SLC25A20: variants seen among roughly 807,000 people sequenced by gnomAD.
SLC25A20 encodes solute carrier family 25 member 20, also known as mitochondrial carnitine/acylcarnitine carrier protein.
A neutral mutation model predicts 39.7 loss-of-function variants in SLC25A20; 29 were observed. The ratio of observed to expected loss-of-function variants is 0.73; its 90% CI spans 0.54 to 1.00. SLC25A20 has a LOEUF of 1.00. Ranked by LOEUF, SLC25A20 falls within the 50% of genes least tolerant of loss-of-function variation. The pLI, the probability that SLC25A20 is intolerant of heterozygous loss-of-function variation, is 0.00. For missense variants in SLC25A20, 333 were observed against 379.9 expected (o/e 0.88, Z 1.03); for synonymous variants, 103 against 142.2 (o/e 0.72, Z 1.96).
chr3:48,870,190 A>T (rs968262828), intron 4 of SLC25A20, among the ~76,000 whole-genome samples: 1 of 152,162 alleles, frequency 6.6e-6, no homozygotes, highest in African/African-American at 2.4e-5. Flanking sequence ...ACTTGAGGTC[A>T]GGAATTTGAG....
chr3:48,884,256 G>A (rs2083815754), intron 2 of SLC25A20, 132 bp from the exon 3 acceptor site: 1 of 1,134,586 alleles, frequency 8.8e-7, no homozygotes, highest in Non-Finnish European at 1.3e-6. Flanking sequence ...AACTTTAAAT[G>A]GAAGAAAATC....
At chr3:48,871,768 CAAAAAAA>C (rs763884203) in intron 4 of SLC25A20, among the ~76,000 whole-genome samples, 1 of 61,892 alleles carries the variant, frequency 1.6e-5, no homozygotes, top group Non-Finnish European at 3.3e-5. Flanking sequence ...AACTCCATCT[CAAAAAAA>C]AAAAAAAAAA....
chr3:48,870,429 CAAATA>C (rs1038567440), intron 4 of SLC25A20, among the ~76,000 whole-genome samples: 7 of 151,824 alleles, frequency 4.6e-5, no homozygotes, highest in African/African-American at 1.7e-4. Flanking sequence ...TGTGGACAAC[CAAATA>C]AAATTATAAT....
At chr3:48,883,500 G>A (rs1317590785) in intron 3 of SLC25A20, among the ~76,000 whole-genome samples, 7 of 149,470 alleles carry the variant, frequency 4.7e-5, no homozygotes, top group African/African-American at 1.5e-4. Flanking sequence ...GCAGTGAGCC[G>A]AGATTGTGCC....
At chr3:48,870,159 G>A (rs2083703006) in intron 4 of SLC25A20, among the ~76,000 whole-genome samples, 1 of 152,148 alleles carries the variant, frequency 6.6e-6, no homozygotes, top group South Asian at 2.1e-4. Context: ...CAGCACTTTG[G>A]GAGGCCGAGG....
intron 2 of SLC25A20, among the ~76,000 whole-genome samples, chr3:48,890,443 C>T (rs1248294276): frequency 6.6e-6 from 1 of 151,926 alleles, no homozygotes; most frequent in East Asian, 1.9e-4. Context: ...CCTGCCTCAG[C>T]CTCCCAAAGT....
chr3:48,867,681 A>C (rs1193453199), intron 4 of SLC25A20, among the ~76,000 whole-genome samples: 1 of 151,758 alleles, frequency 6.6e-6, no homozygotes, highest in Non-Finnish European at 1.5e-5. Context: ...AAAAACAAAT[A>C]ATGTCTGTGG....
intron 3 of SLC25A20, among the ~76,000 whole-genome samples, chr3:48,881,627 G>C (rs2083796196): frequency 1.3e-5 from 2 of 152,092 alleles, no homozygotes; most frequent in South Asian, 2.1e-4. Flanking sequence ...GTGGGAGTGG[G>C]GTCCTGAGTG....
chr3:48,891,651 C>T (rs1041039149), intron 2 of SLC25A20, among the ~76,000 whole-genome samples: 5 of 152,162 alleles, frequency 3.3e-5, no homozygotes, highest in Admixed American at 6.6e-5. Context: ...GGATTAGAGG[C>T]GTGAGCCACC....
intron 4 of SLC25A20, among the ~76,000 whole-genome samples, chr3:48,867,537 G>A (rs914290217): frequency 1.3e-5 from 2 of 150,830 alleles, no homozygotes; most frequent in African/African-American, 4.9e-5. Flanking sequence ...TTACAGGCGT[G>A]AGCCACCGCA....
chr3:48,878,911 A>G (rs568057894), intron 4 of SLC25A20, among the ~76,000 whole-genome samples: 2 of 151,636 alleles, frequency 1.3e-5, no homozygotes, highest in Non-Finnish European at 2.9e-5. Context: ...TCTTGCTCTC[A>G]TGCCCAGGCT....
chr3:48,880,126 G>A (rs1465549050), intron 3 of SLC25A20, among the ~76,000 whole-genome samples: 1 of 152,146 alleles, frequency 6.6e-6, no homozygotes, highest in Non-Finnish European at 1.5e-5. Flanking sequence ...CAGGGAAATA[G>A]TCCCCCAGTG....
chr3:48,857,785 TGGGA>T lies in SLC25A20; in HGVS notation c.844-17_844-14del. ...CAAGGAAACAGGCCTAAGAAGGGAT[TGGGA>T]GGAAGAAAAAAGCCAGCAGGAATAA... On this transcript the variant is annotated splice_polypyrimidine_tract_variant and intron_variant, in intron 8 of 8. Coordinates refer to ENST00000319017, the MANE Select transcript of SLC25A20 (RefSeq NM_000387.6). The T allele has an allele frequency of 6.2e-7, 1 of 1,613,062 alleles. No homozygotes were observed. The highest frequency in any genetic ancestry group is 1.3e-5 in the African/African-American group (1 of 74,980).
chr3:48,890,607 A>T (rs1225120654), intron 2 of SLC25A20, among the ~76,000 whole-genome samples: 1 of 149,604 alleles, frequency 6.7e-6, no homozygotes, highest in Non-Finnish European at 1.5e-5. Context: ...GCCTGACCTT[A>T]TCAATCACTT....
intron 4 of SLC25A20, among the ~76,000 whole-genome samples, chr3:48,871,982 ATTTTTT>A (rs71077746): frequency 2.3e-3 from 133 of 56,672 alleles, no homozygotes; most frequent in Non-Finnish European, 3.5e-3. Context: ...TGCCCAGCTA[ATTTTTT>A]TTTTTTTTTT....
intron 2 of SLC25A20, among the ~76,000 whole-genome samples, chr3:48,887,261 G>A (rs2083836119): frequency 6.6e-6 from 1 of 152,146 alleles, no homozygotes; most frequent in African/African-American, 2.4e-5. Flanking sequence ...GGCCAACCCA[G>A]TTCCATGTTT....
chr3:48,891,559 A>T (rs1229077246), intron 2 of SLC25A20, among the ~76,000 whole-genome samples: 1 of 151,868 alleles, frequency 6.6e-6, no homozygotes, highest in African/African-American at 2.4e-5. Flanking sequence ...TTTTGTAGAG[A>T]TGACACTCTC....
At chr3:48,880,975 T>C (rs2083791578) in intron 3 of SLC25A20, among the ~76,000 whole-genome samples, 1 of 152,174 alleles carries the variant, frequency 6.6e-6, no homozygotes, top group Non-Finnish European at 1.5e-5. Context: ...CAAATGTTAC[T>C]GAAAAACTTC....
chr3:48,874,808 A>G (rs2083742024), intron 4 of SLC25A20, among the ~76,000 whole-genome samples: 1 of 151,992 alleles, frequency 6.6e-6, no homozygotes, highest in South Asian at 2.1e-4. Flanking sequence ...GCATTTTGGG[A>G]GGCAGAGGCA....
Sources: gnomAD v4.1 joint callset for allele counts (sites outside exome capture counted in the v4.1 genomes callset) on GRCh38, gnomAD v4.1.1 for gene constraint, MANE v1.5 for transcripts, NCBI Gene and HGNC (gene_info 2026-07-23, HGNC 2026-07-21) for gene names.